Variants in BEND6 observed in about 807,000 individuals in gnomAD.
BEND6 encodes the protein BEN domain containing 6.
A neutral mutation model predicts 31.8 loss-of-function variants in BEND6; 24 were observed. The observed-to-expected ratio is 0.75, with a 90% CI of 0.55 to 1.06. The LOEUF is 1.06. BEND6 is among the 50% of genes least tolerant of loss of function. The pLI, the probability that BEND6 is intolerant of heterozygous loss-of-function variation, is 0.00. For synonymous variants in BEND6, 109 were observed against 114.6 expected (o/e 0.95, Z 0.31); for missense variants, 294 against 327.4 (o/e 0.90, Z 0.79).
At chr6:57,016,913 T>C (rs1360346921) in intron 4 of BEND6, among the ~76,000 whole-genome samples, 1 of 152,182 alleles carries the variant, frequency 6.6e-6, no homozygotes. Context: ...GCACTGAGTA[T>C]GGGACTAAGC....
At chr6:57,004,938 A>T (rs1827099334) in intron 3 of BEND6, 4 of 521,678 alleles carry the variant, frequency 7.7e-6, no homozygotes, top group Non-Finnish European at 1.4e-5. Context: ...ACATTGTCAG[A>T]TTATATAGTT....
chr6:56,965,581 G>A (rs976814884), intron 1 of BEND6, among the ~76,000 whole-genome samples: 1 of 151,260 alleles, frequency 6.6e-6, no homozygotes, highest in Non-Finnish European at 1.5e-5. Context: ...AGGATCTCTT[G>A]AGCCTAGAAG....
At chr6:57,007,014 G>A (rs764228829) in intron 3 of BEND6, among the ~76,000 whole-genome samples, 2 of 152,176 alleles carry the variant, frequency 1.3e-5, no homozygotes, top group African/African-American at 4.8e-5. Context: ...CTGGAGCCAG[G>A]CACGGTGACT....
At chr6:56,975,817 T>C in intron 1 of BEND6, 1 of 535,774 alleles carries the variant, frequency 1.9e-6, no homozygotes, top group Non-Finnish European at 3.8e-6. Flanking sequence ...ATTGTCCATT[T>C]ACTCTGTAGG....
intron 3 of BEND6, chr6:57,004,564 G>T (rs1014447182): frequency 5.6e-6 from 5 of 889,374 alleles, no homozygotes; most frequent in Admixed American, 1.7e-5. Flanking sequence ...AGGTGCGCCA[G>T]AACTACCACC....
At chr6:57,010,231 C>A (rs756434602) in intron 3 of BEND6, 1 of 152,046 alleles carries the variant, frequency 6.6e-6, no homozygotes, top group Non-Finnish European at 1.5e-5. Context: ...CAGCAAAATC[C>A]GACTGTAGGA....
chr6:56,982,877 T>C (rs1422562784), intron 2 of BEND6, among the ~76,000 whole-genome samples: 1 of 152,160 alleles, frequency 6.6e-6, no homozygotes. Flanking sequence ...ACTAACCATA[T>C]ATATTGCTTT....
chr6:56,992,048 C>A (rs1826524125), intron 2 of BEND6, among the ~76,000 whole-genome samples: 2 of 152,176 alleles, frequency 1.3e-5, no homozygotes, highest in Admixed American at 1.3e-4. Flanking sequence ...CAAATCCGGG[C>A]TGTATATCAG....
chr6:57,003,543 A>C (rs62417414), intron 3 of BEND6, among the ~76,000 whole-genome samples: 8,185 of 150,610 alleles, frequency 0.054, 335 homozygotes, highest in East Asian at 0.18. Context: ...ACAACAACAA[A>C]AACTACCAAT....
intron 1 of BEND6, among the ~76,000 whole-genome samples, chr6:56,976,824 C>T (rs895037694): frequency 6.6e-6 from 1 of 152,174 alleles, no homozygotes; most frequent in Admixed American, 6.5e-5. Context: ...CTCAGCTTCC[C>T]AAAGTGCTGG....
At chr6:57,008,274 T>G in intron 3 of BEND6, 1 of 702,136 alleles carries the variant, frequency 1.4e-6, no homozygotes, top group South Asian at 1.5e-5. Flanking sequence ...GTCCTGGTGC[T>G]AGGAATCAAA....
chr6:56,998,752 CAA>C (rs769214781), intron 3 of BEND6, among the ~76,000 whole-genome samples: 9 of 93,938 alleles, frequency 9.6e-5, no homozygotes, highest in Admixed American at 1.0e-4. Context: ...GCAACAAAAG[CAA>C]AAAAAAAAAA....
At chr6:57,018,662 G>A (rs1222882164) in intron 6 of BEND6, 105 bp downstream of exon 6, 32 of 1,164,544 alleles carry the variant, frequency 2.7e-5, no homozygotes, top group Non-Finnish European at 3.5e-5. Flanking sequence ...GAAAATACTA[G>A]TGACCCATGA....
intron 1 of BEND6, among the ~76,000 whole-genome samples, chr6:56,958,071 C>T (rs1428601360): frequency 1.3e-5 from 2 of 152,146 alleles, no homozygotes; most frequent in Admixed American, 6.5e-5. Flanking sequence ...CAGGAAGGAA[C>T]CCAACCTGTT....
At chr6:57,009,987 A>AGTG (rs1387687550) in intron 3 of BEND6, 1 of 6,322 alleles carries the variant, frequency 1.6e-4, no homozygotes, top group African/African-American at 1.9e-4. Flanking sequence ...CCAGCTAATA[A>AGTG]ATGAAGAAAA....
At chr6:56,975,738 G>C (rs1825849338) in intron 1 of BEND6, 1 of 491,832 alleles carries the variant, frequency 2.0e-6, no homozygotes, top group Non-Finnish European at 4.0e-6. Context: ...GCATTCAATT[G>C]GTCCAGGATT....
At chr6:56,957,146 CTGAGCTA>C (rs1301239909) in intron 1 of BEND6, among the ~76,000 whole-genome samples, 1 of 152,198 alleles carries the variant, frequency 6.6e-6, no homozygotes, top group Non-Finnish European at 1.5e-5. Flanking sequence ...TTATGGTTTT[CTGAGCTA>C]TGACTTTAGC....
At chr6:56,993,087 G>C (rs1300703207) in intron 3 of BEND6, among the ~76,000 whole-genome samples, 1 of 151,716 alleles carries the variant, frequency 6.6e-6, no homozygotes, top group East Asian at 1.9e-4. Context: ...ATATAAAGAA[G>C]AAAGATCATC....
intron 1 of BEND6, among the ~76,000 whole-genome samples, chr6:56,961,386 T>C (rs1442541969): frequency 6.6e-6 from 1 of 152,182 alleles, no homozygotes; most frequent in Admixed American, 6.5e-5. Flanking sequence ...ATTTGTCCTC[T>C]AGCATCTTTA....
Sources: gnomAD v4.1 joint callset for allele counts (sites outside exome capture counted in the v4.1 genomes callset) on GRCh38, gnomAD v4.1.1 for gene constraint, MANE v1.5 for transcripts, NCBI Gene and HGNC (gene_info 2026-07-23, HGNC 2026-07-21) for gene names.